The following DTNA variants were observed in gnomAD, a reference collection of about 807,000 sequenced individuals.
DTNA encodes dystrobrevin alpha.
In DTNA, 43 loss-of-function variants were observed where a neutral mutation model predicts 100.7. The ratio of observed to expected loss-of-function variants is 0.43; its 90% CI spans 0.33 to 0.55. The LOEUF is 0.55. DTNA is among the 20% of genes least tolerant of loss of function. DTNA has a pLI of 0.04. For synonymous variants in DTNA, 349 were observed against 347.9 expected, an observed-to-expected ratio of 1.00 and a Z score of -0.04; for missense variants, 798 against 953.9, an observed-to-expected ratio of 0.84 and a Z score of 2.15.
chr18:34,552,077 A>C (rs750402925), intron 1 of DTNA, among the ~76,000 whole-genome samples: 29 of 151,890 alleles, frequency 1.9e-4, no homozygotes, highest in Non-Finnish European at 3.5e-4. Context: ...CTCCTTTATA[A>C]TGTCCTTCCC....
In DTNA at chr18:34,838,744, G is replaced by A; in HGVS notation, c.1254-1G>A. ...CTTTCTTTCCCCCTGCCCTGTTTCA[G>A]GATACAGTACAGCCTGAATGTGGCA... On this transcript the variant is annotated splice_acceptor_variant, in intron 12 of 22. Coordinates refer to ENST00000444659, the MANE Select transcript of DTNA (RefSeq NM_001386795.1). LOFTEE classifies it high-confidence loss of function. 1 of 1,613,398 alleles carries A rather than the reference G, an allele frequency of 6.2e-7. No homozygotes were observed. Among genetic ancestry groups the A allele is most frequent in the Non-Finnish European group, 8.5e-7 (1 of 1,179,478 alleles).
rs72962231 is a variant in DTNA, at chr18:34,890,163, G to A, written c.*2429G>A. The A allele has an allele frequency of 5.0e-4, 717 of 1,436,288 alleles. 1 individual carries two copies. In the African/African-American group the frequency reaches 8.4e-3, roughly 17 times the overall value. 89.0% of individuals were successfully genotyped at this position (1,436,288 alleles called of 1,614,324 possible). ...AACTGTTCTGCTGATAACCTTCCCC[G>A]TTGTCATAGCTATTTCATTGCCAAC... On this transcript the variant is annotated 3_prime_UTR_variant, in exon 23 of 23. Transcript: ENST00000444659.
intron 12 of DTNA, among the ~76,000 whole-genome samples, chr18:34,838,491 A>G (rs758405486): frequency 1.4e-4 from 21 of 152,234 alleles, no homozygotes; most frequent in Non-Finnish European, 2.9e-4. Flanking sequence ...TAGTGGTTGA[A>G]AAATGTAAAT....
At chr18:34,866,231 A>C (rs1291311672) in intron 17 of DTNA, 10 of 1,609,574 alleles carry the variant, frequency 6.2e-6, no homozygotes, top group Non-Finnish European at 7.6e-6. Flanking sequence ...TTCATGCTTC[A>C]GTTTGGAAAG....
intron 1 of DTNA, among the ~76,000 whole-genome samples, chr18:34,628,217 T>G (rs954560382): frequency 9.2e-5 from 14 of 152,244 alleles, no homozygotes; most frequent in African/African-American, 3.1e-4. Context: ...TTAAAATCCT[T>G]CTTATGCATT....
At chr18:34,601,948 A>G (rs1388558521) in intron 1 of DTNA, among the ~76,000 whole-genome samples, 1 of 152,240 alleles carries the variant, frequency 6.6e-6, no homozygotes, top group Non-Finnish European at 1.5e-5. Context: ...AACTGCTCAT[A>G]TGTAGTACAG....
intron 13 of DTNA, among the ~76,000 whole-genome samples, chr18:34,845,558 G>A (rs971984853): frequency 1.3e-5 from 2 of 152,122 alleles, no homozygotes; most frequent in African/African-American, 4.8e-5. Flanking sequence ...GAGCAATGGG[G>A]TTATCCGCAA....
In DTNA at chr18:34,875,447, G is replaced by A. The variant is rs2096805479; in HGVS notation, c.1903+49G>A. Reference sequence around the variant, plus strand: ...TGGTCTGCTTTTATGTGGCAAATAGGTCACCAAGGTCTATTGAGTGGTCAA... The same window carrying A: ...TGGTCTGCTTTTATGTGGCAAATAGATCACCAAGGTCTATTGAGTGGTCAA... On this transcript the variant is annotated intron_variant, in intron 18 of 22. Coordinates refer to ENST00000444659, the MANE Select transcript of DTNA (RefSeq NM_001386795.1). The A allele has an allele frequency of 1.9e-6, 3 of 1,612,588 alleles. No homozygotes were observed. In the East Asian group the frequency reaches 6.7e-5, roughly 36 times the overall value.
chr18:34,878,874 T>G (rs182830632), intron 19 of DTNA, among the ~76,000 whole-genome samples: 29 of 152,344 alleles, frequency 1.9e-4, no homozygotes, highest in Non-Finnish European at 1.5e-5. Flanking sequence ...CAGCTGAGAT[T>G]GCAACTATAA....
chr18:34,800,129 A>G (rs1194756734), intron 4 of DTNA, among the ~76,000 whole-genome samples: 1 of 152,216 alleles, frequency 6.6e-6, no homozygotes, highest in Non-Finnish European at 1.5e-5. Context: ...CATCGTATTC[A>G]AACACGTTAT....
intron 1 of DTNA, among the ~76,000 whole-genome samples, chr18:34,704,121 C>T (rs1292404135): frequency 1.3e-5 from 2 of 152,176 alleles, no homozygotes; most frequent in Non-Finnish European, 2.9e-5. Context: ...TGTGTGTCTA[C>T]AGGGTACATG....
At chr18:34,602,208 G>A (rs2052012993) in intron 1 of DTNA, among the ~76,000 whole-genome samples, 1 of 152,140 alleles carries the variant, frequency 6.6e-6, no homozygotes, top group Admixed American at 6.5e-5. Context: ...CTTAAGAGTT[G>A]AAAATTTTTA....
intron 9 of DTNA, among the ~76,000 whole-genome samples, chr18:34,824,347 G>A (rs1468510954): frequency 2.0e-5 from 3 of 151,978 alleles, no homozygotes; most frequent in African/African-American, 7.3e-5. Flanking sequence ...GTGGTGGTGG[G>A]CGCCTGTAGT....
At chr18:34,628,246 G>A (rs574113473) in intron 1 of DTNA, among the ~76,000 whole-genome samples, 11 of 152,280 alleles carry the variant, frequency 7.2e-5, no homozygotes, top group South Asian at 6.2e-4. Context: ...GCTAACCAAC[G>A]TCTATAACTC....
chr18:34,713,948 C>A (rs1348269180), intron 1 of DTNA, among the ~76,000 whole-genome samples: 1 of 152,078 alleles, frequency 6.6e-6, no homozygotes, highest in African/African-American at 2.4e-5. Context: ...GAATGCTGAT[C>A]TTTGACAAAC....
At chr18:34,668,200 A>G (rs2076220773) in intron 1 of DTNA, among the ~76,000 whole-genome samples, 1 of 152,158 alleles carries the variant, frequency 6.6e-6, no homozygotes, top group Admixed American at 6.5e-5. Context: ...TAGATTTTCT[A>G]GTTTATTTGC....
intron 3 of DTNA, among the ~76,000 whole-genome samples, chr18:34,782,869 C>T (rs11081877): frequency 0.98 from 148,592 of 152,262 alleles, 72,609 homozygotes; most frequent in East Asian, 1. Flanking sequence ...TTAGGATAGA[C>T]AGAAAGAGAC....
intron 1 of DTNA, among the ~76,000 whole-genome samples, chr18:34,731,411 G>A (rs897567538): frequency 7.9e-5 from 12 of 152,058 alleles, no homozygotes; most frequent in African/African-American, 2.2e-4. Flanking sequence ...CCCGGGAAGC[G>A]GAGCTTGCAG....
At chr18:34,537,393 AC>A (rs1360092145) in intron 1 of DTNA, among the ~76,000 whole-genome samples, 1 of 152,052 alleles carries the variant, frequency 6.6e-6, no homozygotes, top group Non-Finnish European at 1.5e-5. Flanking sequence ...AAGAAAAGTC[AC>A]AGAAGCATGA....
Sources: allele counts gnomAD v4.1 joint callset (sites outside exome capture counted in the v4.1 genomes callset), GRCh38; gene constraint gnomAD v4.1.1; transcripts MANE v1.5; gene names NCBI Gene and HGNC (gene_info 2026-07-23, HGNC 2026-07-21).